Variants in WDR88 observed in about 807,000 individuals in gnomAD.
WDR88 encodes WD repeat-containing protein 88.
WDR88 carries 40 observed loss-of-function variants against 46.8 expected under a neutral mutation model. The observed-to-expected ratio is 0.86, with a 90% CI of 0.66 to 1.11. The LOEUF (loss-of-function observed/expected upper bound fraction) is 1.11, where lower values mean the gene tolerates loss of function less well. Ranked by LOEUF, WDR88 falls within the 50% of genes most tolerant of loss-of-function variation. The probability of loss-of-function intolerance (pLI) is 0.00; values close to 1 mark genes in which losing one functional copy is unlikely to be tolerated. For synonymous variants in WDR88, 235 were observed against 240.7 expected (o/e 0.98, Z 0.22); for missense variants, 562 against 602.4 (o/e 0.93, Z 0.70).
rs185847515 is a variant in WDR88, at chr19:33,168,153, G to A, written c.1149+3888G>A. On this transcript the variant is annotated intron_variant, in intron 9 of 10. Transcript: ENST00000355868. Reference sequence around the variant, plus strand: ...AGCAATTCTCCTGCTTCAGCCTCCCGAGTAGCTGGGATTACAGGCATGTGC... The same window carrying A: ...AGCAATTCTCCTGCTTCAGCCTCCCAAGTAGCTGGGATTACAGGCATGTGC... Among the ~76,000 whole-genome samples, 336 of 151,766 alleles carry A rather than the reference G, an allele frequency of 2.2e-3. 3 individuals carry two copies. The highest frequency in any genetic ancestry group is 7.9e-3 in the African/African-American group (325 of 41,382).
In WDR88 at chr19:33,133,198, T is replaced by TAAATAAATAAATATAGAG. The variant is rs1555723214; in HGVS notation, c.276+754_276+755insAATAAATAAATATAGAGA. Among the ~76,000 whole-genome samples, 29 of 79,816 alleles carry TAAATAAATAAATATAGAG rather than the reference T, an allele frequency of 3.6e-4. 1 individual carries two copies. Among genetic ancestry groups the TAAATAAATAAATATAGAG allele is most frequent in the African/African-American group, 9.5e-4 (29 of 30,686 alleles). 52.4% of individuals were successfully genotyped at this position (79,816 alleles called of 152,430 possible). The stretch of plus-strand genomic sequence containing the variant: ...AAATAAATAAATAAATAAATAAATA[T>TAAATAAATAAATATAGAG]AGAGAGAGAGAGAGAAAGAAAGAAA... On this transcript the variant is annotated intron_variant, in intron 1 of 10. Coordinates refer to ENST00000355868, the MANE Select transcript of WDR88 (RefSeq NM_173479.4).
intron 9 of WDR88, among the ~76,000 whole-genome samples, chr19:33,170,637 C>G (rs7253261): frequency 0.96 from 146,228 of 152,232 alleles, 70,373 homozygotes; most frequent in African/African-American, 0.99. Flanking sequence ...GAGATGGGCA[C>G]ATTGCCTGAG....
chr19:33,141,632 A>C (rs1296953932), intron 2 of WDR88, among the ~76,000 whole-genome samples: 1 of 152,182 alleles, frequency 6.6e-6, no homozygotes, highest in Non-Finnish European at 1.5e-5. Flanking sequence ...ACATTTATGG[A>C]CTTTCCAAGT....
intron 1 of WDR88, among the ~76,000 whole-genome samples, chr19:33,134,977 C>G (rs1324953726): frequency 2.0e-5 from 3 of 148,668 alleles, no homozygotes; most frequent in Non-Finnish European, 4.5e-5. Flanking sequence ...CCTGGTCTTG[C>G]CTCCAACATT....
intron 8 of WDR88, among the ~76,000 whole-genome samples, chr19:33,161,981 CCT>C (rs1410428481): frequency 3.9e-5 from 6 of 152,122 alleles, no homozygotes; most frequent in African/African-American, 1.4e-4. Context: ...CCTCTTCTCT[CCT>C]CTTTCTCTGT....
At chr19:33,144,816 C>T (rs1406973169) in intron 2 of WDR88, 28 bp from the exon 3 acceptor site, 1 of 1,606,714 alleles carries the variant, frequency 6.2e-7, no homozygotes, top group South Asian at 1.1e-5. Context: ...TGACCACTCT[C>T]TTCTCCTCTC....
rs142632008 is a variant in WDR88 at position 33,147,654 on chromosome 19, C to T, written c.486C>T (p.Ala162=). The change falls in exon 4 of 11, where the codon GCC becomes GCT. Residue 162 remains alanine (A), a synonymous_variant. Coordinates refer to ENST00000355868, the MANE Select transcript of WDR88 (RefSeq NM_173479.4). The part of the protein sequence containing the change: ...SITGDSSRVI[A]ASYDKTVRAW... ...GTCATCTTATTTCCAGAGTCATTGC[C>T]GCATCCTATGATAAGACAGTGAGGG... The T allele has an allele frequency of 5.5e-5, 88 of 1,613,620 alleles. No homozygotes were observed. Among genetic ancestry groups the T allele is most frequent in the Middle Eastern group, 3.3e-4 (2 of 6,082 alleles).
At chr19:33,175,261 A>C (rs1306989423) in intron 10 of WDR88, 135 bp from the exon 11 acceptor site, 7 of 1,016,208 alleles carry the variant, frequency 6.9e-6, no homozygotes, top group South Asian at 5.0e-5. Flanking sequence ...ACAAACAAAC[A>C]AACCAAAAAG....
chr19:33,162,055 C>G (rs902777951), intron 8 of WDR88, among the ~76,000 whole-genome samples: 11 of 152,186 alleles, frequency 7.2e-5, no homozygotes, highest in Non-Finnish European at 1.6e-4. Context: ...CCCTCTGATT[C>G]CTTTTTCTCT....
Position 33,164,238 on chromosome 19 carries a change from C to T in WDR88, c.1122C>T (p.Asn374=), listed in dbSNP as rs1981827. ...DWVMDVAISN[N]KKWILSASKD... is the part of the protein sequence containing the mutation. ...TGATGGATGTTGCCATTAGCAACAA[C>T]AAGAAATGGATCCTGTCTGCTTCCA... The change falls in exon 9 of 11, where the codon AAC becomes AAT. Residue 374 remains asparagine, a synonymous_variant. Transcript: ENST00000355868. 0.12 allele frequency: 200,627 copies of T among 1,612,430 alleles called. 15,377 individuals carry two copies. The highest frequency in any genetic ancestry group is 0.34 in the South Asian group (31,041 of 90,968).
rs146385947 is a variant in WDR88 at position 33,162,924 on chromosome 19, G to A, written c.1081-1273G>A. ...TAAATAAATATAGAATGGGTAGGGC[G>A]CAGTGGCTCATGCCTGTAATCCCAG... On this transcript the variant is annotated intron_variant, in intron 8 of 10. Coordinates refer to ENST00000355868, the MANE Select transcript of WDR88 (RefSeq NM_173479.4). Among the ~76,000 whole-genome samples the A allele has an allele frequency of 6.0e-3, 914 of 152,022 alleles. 3 individuals carry two copies. The highest frequency in any genetic ancestry group is 0.017 in the African/African-American group (715 of 41,504).
intron 2 of WDR88, among the ~76,000 whole-genome samples, chr19:33,139,445 C>T (rs1973344840): frequency 6.6e-6 from 1 of 152,190 alleles, no homozygotes. Flanking sequence ...AGTTTTGCAG[C>T]ATCTGGCTTC....
At chr19:33,136,624 A>G (rs753844865) in intron 1 of WDR88, among the ~76,000 whole-genome samples, 4 of 147,410 alleles carry the variant, frequency 2.7e-5, no homozygotes, top group Admixed American at 6.7e-5. Flanking sequence ...GTGCAGTGAC[A>G]TGATCATAGC....
intron 6 of WDR88, among the ~76,000 whole-genome samples, chr19:33,153,197 C>T (rs1332474539): frequency 6.6e-6 from 1 of 151,380 alleles, no homozygotes; most frequent in Non-Finnish European, 1.5e-5. Context: ...ACTACAGGTG[C>T]ACACCACCAT....
intron 10 of WDR88, chr19:33,174,131 C>A: frequency 6.5e-7 from 1 of 1,532,558 alleles, no homozygotes; most frequent in Non-Finnish European, 8.7e-7. Context: ...GGACTACAGG[C>A]GCAAGCTATC....
intron 1 of WDR88, among the ~76,000 whole-genome samples, chr19:33,135,214 CCTGCCGACACCAGGCAATT>C (rs1973238186): frequency 6.6e-6 from 1 of 152,110 alleles, no homozygotes. Context: ...CAATACCCAT[CCTGCCGACACCAGGCAATT>C]CTGCTTTCTG....
At chr19:33,136,054 TA>T (rs1973259097) in intron 1 of WDR88, among the ~76,000 whole-genome samples, 1 of 139,546 alleles carries the variant, frequency 7.2e-6, no homozygotes, top group Middle Eastern at 3.8e-3. Flanking sequence ...CACACTCGGC[TA>T]ATTTTTTTTT....
intron 8 of WDR88, 49 bp downstream of exon 8, chr19:33,160,545 C>G: frequency 6.3e-7 from 1 of 1,592,200 alleles, no homozygotes; most frequent in Non-Finnish European, 8.6e-7. Context: ...CCTCCCGAGT[C>G]CTTCCTGTGC....
intron 7 of WDR88, among the ~76,000 whole-genome samples, chr19:33,158,846 C>A (rs111528673): frequency 6.6e-6 from 1 of 152,114 alleles, no homozygotes. Flanking sequence ...ATTACAGGTG[C>A]GCACTACCAT....
Sources: allele counts gnomAD v4.1 joint callset (sites outside exome capture counted in the v4.1 genomes callset), GRCh38; gene constraint gnomAD v4.1.1; transcripts MANE v1.5; gene names NCBI Gene and HGNC (gene_info 2026-07-23, HGNC 2026-07-21).